EVC2: variants seen among roughly 807,000 people sequenced by gnomAD.
The protein encoded by EVC2 is EvC ciliary complex subunit 2.
In EVC2, 148 loss-of-function variants were observed where a neutral mutation model predicts 149.3. The ratio of observed to expected loss-of-function variants is 0.99; its 90% CI spans 0.87 to 1.14. EVC2 has a LOEUF of 1.14. Among genes scored for constraint, EVC2 ranks in the 50% most tolerant of loss-of-function variants. The pLI is 0.00. For synonymous variants in EVC2, 776 were observed against 649.9 expected (o/e 1.19, Z -2.95); for missense variants, 1,854 against 1,627.3 (o/e 1.14, Z -2.40).
intron 21 of EVC2, chr4:5,543,316 A>C: frequency 1.9e-6 from 1 of 540,372 alleles, no homozygotes; most frequent in Non-Finnish European, 3.0e-6. Flanking sequence ...CCATAAACAC[A>C]CTCTTCCCTT....
intron 16 of EVC2, among the ~76,000 whole-genome samples, chr4:5,605,343 T>C (rs1714303089): frequency 6.6e-6 from 1 of 152,182 alleles, no homozygotes. Context: ...GCTCTACAAA[T>C]CATAGACACA....
chr4:5,708,132 G>A (rs906281895), intron 1 of EVC2, 154 bp downstream of exon 1: 6 of 585,674 alleles, frequency 1.0e-5, no homozygotes, highest in Non-Finnish European at 1.6e-5. Context: ...GGCCGTGAGC[G>A]GGATACACCT....
intron 16 of EVC2, among the ~76,000 whole-genome samples, chr4:5,609,333 C>T (rs1714642386): frequency 6.6e-6 from 1 of 152,180 alleles, no homozygotes; most frequent in Non-Finnish European, 1.5e-5. Flanking sequence ...ATTTTTCCCT[C>T]TGCAATTATC....
At chr4:5,557,586 T>C (rs1721860079), downstream of EVC2, among the ~76,000 whole-genome samples, 2 of 152,126 alleles carry the variant, frequency 1.3e-5, no homozygotes, top group Admixed American at 1.3e-4. Flanking sequence ...ATAAAATGTA[T>C]ACAAATTGGA....
chr4:5,620,444 A>C (rs906165641), intron 14 of EVC2, among the ~76,000 whole-genome samples: 1 of 152,212 alleles, frequency 6.6e-6, no homozygotes, highest in Non-Finnish European at 1.5e-5. Context: ...AGGCTCAAAG[A>C]CACACTTTCT....
In EVC2 at chr4:5,632,862, G is replaced by T. The variant is rs1241835979; in HGVS notation, c.1471-830C>A. 2.0e-5 allele frequency among the ~76,000 whole-genome samples: 3 copies of T among 152,126 alleles called. No homozygotes were observed. The East Asian group carries it at 5.8e-4, about 29-fold the overall frequency. The stretch of plus-strand genomic sequence containing the variant: ...TTCTTCACTCCACATGGGTAGGCGG[G>T]ATTCTGGAATGGCCCCTGATCCCCA... On this transcript the variant is annotated intron_variant, in intron 10 of 21. Coordinates refer to ENST00000344408, the MANE Select transcript of EVC2 (RefSeq NM_147127.5).
intron 21 of EVC2, among the ~76,000 whole-genome samples, chr4:5,556,853 A>G (rs1721849152): frequency 6.6e-6 from 1 of 152,308 alleles, no homozygotes; most frequent in South Asian, 2.1e-4. Flanking sequence ...GAATCCCTTG[A>G]AAGACAAACT....
rs1474085733 is a variant in EVC2 at position 5,670,400 on chromosome 4, T to C, written c.871-4751A>G. Among the ~76,000 whole-genome samples, 7 of 151,734 alleles carry C rather than the reference T, an allele frequency of 4.6e-5. No individual in the cohort carries two copies. Among genetic ancestry groups the C allele is most frequent in the African/African-American group, 1.7e-4 (7 of 41,292 alleles). ...ATTATCAACATCATCAATATCTCCA[T>C]CATTTTCATCTTTACCATCACCATC... On this transcript the variant is annotated intron_variant, in intron 7 of 21. Transcript: ENST00000344408. This position sits in a 1 kb window ranked among gnomAD's most constrained non-coding sequence, Gnocchi z 5.2.
At chr4:5,581,985 T>G (rs1711841227) in intron 17 of EVC2, among the ~76,000 whole-genome samples, 1 of 152,216 alleles carries the variant, frequency 6.6e-6, no homozygotes, top group South Asian at 2.1e-4. Context: ...AGTTGGGTCT[T>G]GGGAGCCTCC....
At chr4:5,610,867 C>G (rs1374872562) in intron 16 of EVC2, among the ~76,000 whole-genome samples, 2 of 145,094 alleles carry the variant, frequency 1.4e-5, no homozygotes, top group African/African-American at 2.6e-5. Flanking sequence ...GGCAAGTAGA[C>G]TAGGATGGGT....
chr4:5,659,056 A>G (rs1482957030), intron 9 of EVC2, among the ~76,000 whole-genome samples: 1 of 152,194 alleles, frequency 6.6e-6, no homozygotes, highest in African/African-American at 2.4e-5. Context: ...GAGACAGCCT[A>G]TGAATAAGCA....
At chr4:5,687,156 C>T (rs184611316) in intron 5 of EVC2, among the ~76,000 whole-genome samples, 3 of 152,212 alleles carry the variant, frequency 2.0e-5, no homozygotes, top group African/African-American at 7.2e-5. Context: ...ACTTGGGAGG[C>T]TGAGGCAGGA....
chr4:5,620,670 T>G (rs1347035237), intron 14 of EVC2, among the ~76,000 whole-genome samples: 3 of 152,192 alleles, frequency 2.0e-5, no homozygotes, highest in Non-Finnish European at 2.9e-5. Context: ...TGTGAGTCGA[T>G]CCTCTTTAAC....
intron 16 of EVC2, among the ~76,000 whole-genome samples, chr4:5,592,477 A>C (rs1282027978): frequency 6.6e-6 from 1 of 152,192 alleles, no homozygotes; most frequent in Non-Finnish European, 1.5e-5. Flanking sequence ...AGCCCCGCCA[A>C]ATACCAGGAA....
At position 5,622,716 on chromosome 4, in the gene EVC2, C is replaced by G; in HGVS notation, c.2322G>C (p.Gln774His). ...LKRGVPWLFL[Q>H]QILEEHGKEM... The stretch of plus-strand genomic sequence containing the variant: ...CCTTGCCGTGCTCCTCCAGGATCTG[C>G]TGCAGGAAGAGCCAGGGCACCCCAC... The change falls in exon 14 of 22, where the codon CAG (glutamine) becomes CAC (histidine). Residue 774 changes from glutamine to histidine, a missense_variant. Transcript: ENST00000344408. The surrounding 1 kb of genome is among the most constrained non-coding windows in gnomAD (Gnocchi z 5.8). The G allele has an allele frequency of 1.2e-6, 2 of 1,614,152 alleles. No homozygotes were observed. The highest frequency in any genetic ancestry group is 1.7e-6 in the Non-Finnish European group (2 of 1,180,042).
chr4:5,662,309 G>T (rs1204368645), intron 9 of EVC2, among the ~76,000 whole-genome samples: 1 of 151,512 alleles, frequency 6.6e-6, no homozygotes, highest in African/African-American at 2.4e-5. Context: ...TTAATACCTG[G>T]ATGATGAAAT....
chr4:5,630,066 G>A (rs754294653), intron 11 of EVC2, among the ~76,000 whole-genome samples: 10 of 152,170 alleles, frequency 6.6e-5, no homozygotes, highest in African/African-American at 1.2e-4. Context: ...TCTAAGTAAC[G>A]CCATGGCGTC....
intron 1 of EVC2, among the ~76,000 whole-genome samples, chr4:5,703,191 G>C (rs1183534576): frequency 2.0e-5 from 3 of 152,168 alleles, no homozygotes; most frequent in Non-Finnish European, 4.4e-5. Flanking sequence ...TTTGCTTAAA[G>C]TCAAAGTATC....
At position 5,630,842 on chromosome 4, in the gene EVC2, C is replaced by T. The variant is rs537411732; in HGVS notation, c.1710+951G>A. Among the ~76,000 whole-genome samples, 4 of 152,284 alleles carry T rather than the reference C, an allele frequency of 2.6e-5. No homozygotes were observed. The East Asian group carries it at 7.7e-4, about 29-fold the overall frequency. Reference sequence around the variant, plus strand: ...TTGCATTTCTCAAACATCTTATTGACAGTCGGAATAGAAAATTCCATAAAA... The same window carrying T: ...TTGCATTTCTCAAACATCTTATTGATAGTCGGAATAGAAAATTCCATAAAA... On this transcript the variant is annotated intron_variant, in intron 11 of 21. Coordinates refer to ENST00000344408, the MANE Select transcript of EVC2 (RefSeq NM_147127.5).
Sources: allele counts gnomAD v4.1 joint callset (sites outside exome capture counted in the v4.1 genomes callset), GRCh38; gene constraint gnomAD v4.1.1; non-coding constraint Gnocchi (gnomAD v3.1); transcripts MANE v1.5; gene names NCBI Gene and HGNC (gene_info 2026-07-23, HGNC 2026-07-21).